Variants in RHOBTB1 observed in about 807,000 individuals in gnomAD.
RHOBTB1 encodes the protein Rho related BTB domain containing 1.
RHOBTB1 carries 40 observed loss-of-function variants against 71.6 expected under a neutral mutation model. That is an observed-to-expected ratio of 0.56 (90% confidence interval 0.43 to 0.73). The LOEUF (loss-of-function observed/expected upper bound fraction) is 0.73, where lower values mean the gene tolerates loss of function less well. Among genes scored for constraint, RHOBTB1 ranks in the 30% least tolerant of loss-of-function variants. The pLI is 0.00. For synonymous variants in RHOBTB1, 319 were observed against 334.9 expected, an observed-to-expected ratio of 0.95 and a Z score of 0.52; for missense variants, 797 against 894.0, an observed-to-expected ratio of 0.89 and a Z score of 1.38.
chr10:60,986,312 T>G (rs2086657715), intron 1 of RHOBTB1, among the ~76,000 whole-genome samples: 1 of 151,248 alleles, frequency 6.6e-6, no homozygotes. Flanking sequence ...AGGAATTTAG[T>G]TAACAGTAAA....
At chr10:60,925,763 A>G (rs1251674184) in intron 2 of RHOBTB1, among the ~76,000 whole-genome samples, 1 of 152,244 alleles carries the variant, frequency 6.6e-6, no homozygotes, top group Admixed American at 6.5e-5. Context: ...AAGAATCATT[A>G]GAGACCATTA....
rs202055400 is a variant in RHOBTB1 at position 60,886,234 on chromosome 10, C to T, written c.1457-4G>A. ...TCGTCCAATTTAAATGTCACGTCTG[C>T]CAAGGGATTGAGGAAACACAACCAT... On this transcript the variant is annotated splice_polypyrimidine_tract_variant and splice_region_variant and intron_variant, in intron 6 of 10. Coordinates refer to ENST00000337910, the MANE Select transcript of RHOBTB1 (RefSeq NM_014836.5). 3.7e-6 allele frequency: 6 copies of T among 1,611,644 alleles called. No homozygotes were observed. Among genetic ancestry groups the T allele is most frequent in the African/African-American group, 1.3e-5 (1 of 74,966 alleles).
intron 4 of RHOBTB1, among the ~76,000 whole-genome samples, chr10:60,895,447 C>A (rs958623314): frequency 1.3e-5 from 2 of 152,054 alleles, no homozygotes; most frequent in Non-Finnish European, 2.9e-5. Flanking sequence ...TCTTGTTGCC[C>A]AGGCTGGAGT....
At chr10:60,936,042 T>C (rs2084560509) in intron 2 of RHOBTB1, among the ~76,000 whole-genome samples, 1 of 152,268 alleles carries the variant, frequency 6.6e-6, no homozygotes, top group African/African-American at 2.4e-5. Flanking sequence ...GTGTGCTATA[T>C]GTGTAGGTGT....
At chr10:60,993,110 G>A (rs184103667) in intron 1 of RHOBTB1, among the ~76,000 whole-genome samples, 2 of 152,168 alleles carry the variant, frequency 1.3e-5, no homozygotes, top group East Asian at 1.9e-4. Flanking sequence ...TGGAGGGGAC[G>A]TGTCTCTCTG....
Position 60,964,367 on chromosome 10 carries a change from A to T in RHOBTB1, c.-62+21478T>A, listed in dbSNP as rs117067067. On this transcript the variant is annotated intron_variant, in intron 2 of 11. Transcript: ENST00000357917. ...CTGCCCTCTAGGGGACACATGGAAAATAAGCAAAGTCTCTCAAGCCAAAAA... is the reference window on the plus strand; with the variant it reads ...CTGCCCTCTAGGGGACACATGGAAATTAAGCAAAGTCTCTCAAGCCAAAAA... Among the ~76,000 whole-genome samples the T allele has an allele frequency of 5.0e-3, 767 of 152,188 alleles. 26 individuals are homozygous for T. Among genetic ancestry groups the T allele is most frequent in the Admixed American group, 0.044 (674 of 15,262 alleles).
Position 60,932,845 on chromosome 10 carries a change from A to G in RHOBTB1, c.-11+8959T>C, listed in dbSNP as rs139002419. ...GTAGACTATGGGTGTTTAAAAACCC[A>G]TATTCATGAAGAAAAGTCTCCACTA... On this transcript the variant is annotated intron_variant, in intron 2 of 10. Transcript: ENST00000337910. 5.2e-3 allele frequency among the ~76,000 whole-genome samples: 788 copies of G among 152,332 alleles called. 5 individuals are homozygous for G. Among genetic ancestry groups the G allele is most frequent in the African/African-American group, 0.018 (747 of 41,574 alleles).
rs754449291 is a variant in RHOBTB1, at chr10:60,888,608, C to A, written c.1060G>T (p.Val354Leu). 2 of 1,614,204 alleles carry A rather than the reference C, an allele frequency of 1.2e-6. No individual in the cohort carries two copies. Among genetic ancestry groups the A allele is most frequent in the South Asian group, 2.2e-5 (2 of 91,090 alleles). ...DQWKSSNKSL[V>L]EALGLEAEGA... The stretch of plus-strand genomic sequence containing the variant: ...TCGGCTTCCAGCCCCAGAGCCTCCA[C>A]CAGGCTCTTGTTTGAAGACTTCCAC... The change falls in exon 6 of 11, where the codon GTG becomes TTG. Residue 354 changes from valine to leucine, a missense_variant. Around this residue, in one of 2 missense-constraint regions of RHOBTB1, gnomAD observed 658 missense variants for 681.5 expected, o/e 0.97. Coordinates refer to ENST00000337910, the MANE Select transcript of RHOBTB1 (RefSeq NM_014836.5).
chr10:60,896,805 T>C (rs1038827661), intron 4 of RHOBTB1, among the ~76,000 whole-genome samples: 1 of 152,078 alleles, frequency 6.6e-6, no homozygotes, highest in Non-Finnish European at 1.5e-5. Context: ...TTTTGACTAG[T>C]CAAATCAAAA....
chr10:60,943,045 T>C (rs2084996711), intron 1 of RHOBTB1, among the ~76,000 whole-genome samples: 1 of 152,172 alleles, frequency 6.6e-6, no homozygotes. Flanking sequence ...CTTAACTTCC[T>C]AGATTTTCCT....
At chr10:60,903,613 C>T (rs1014579522) in intron 4 of RHOBTB1, among the ~76,000 whole-genome samples, 8 of 151,944 alleles carry the variant, frequency 5.3e-5, no homozygotes, top group African/African-American at 1.9e-4. Context: ...TCTGGTGAAA[C>T]GTTTCTTGCT....
At chr10:60,964,616 T>C (rs757501901) in intron 2 of RHOBTB1, among the ~76,000 whole-genome samples, 1 of 152,136 alleles carries the variant, frequency 6.6e-6, no homozygotes, top group Non-Finnish European at 1.5e-5. Flanking sequence ...CTTGTTCTAT[T>C]AGAAAACAGC....
intron 1 of RHOBTB1, among the ~76,000 whole-genome samples, chr10:60,987,712 T>C (rs562980513): frequency 6.6e-6 from 1 of 152,184 alleles, no homozygotes; most frequent in Admixed American, 6.5e-5. Flanking sequence ...TAACAGCTCT[T>C]CAACAGACCT....
chr10:60,867,668 G>C (rs537219519), downstream of RHOBTB1, among the ~76,000 whole-genome samples: 1 of 152,302 alleles, frequency 6.6e-6, no homozygotes, highest in East Asian at 1.9e-4. Context: ...ATGAGCACCT[G>C]TATGTTAGCC....
intron 1 of RHOBTB1, among the ~76,000 whole-genome samples, chr10:60,990,403 A>G (rs1439265588): frequency 6.6e-6 from 1 of 152,190 alleles, no homozygotes; most frequent in Non-Finnish European, 1.5e-5. Flanking sequence ...TTTGAGACAG[A>G]TGCAAGACAT....
the RHOBTB1 span, among the ~76,000 whole-genome samples, chr10:60,863,686 C>T: frequency 6.6e-6 from 1 of 152,130 alleles, no homozygotes; most frequent in Non-Finnish European, 1.5e-5. Context: ...GTGCCTGCCA[C>T]CATGCCTGGC....
rs188015921 is a variant in RHOBTB1 at position 60,950,845 on chromosome 10, C to T, written c.-61-8991G>A. On this transcript the variant is annotated intron_variant, in intron 2 of 11. Coordinates refer to the RHOBTB1 transcript ENST00000357917. ...ACTGTATCATTCCCCCAATTCCTCCCTCCCCAAATGCTGACTGTAAGTATT... is the reference window on the plus strand; with the variant it reads ...ACTGTATCATTCCCCCAATTCCTCCTTCCCCAAATGCTGACTGTAAGTATT... Among the ~76,000 whole-genome samples the T allele has an allele frequency of 6.0e-3, 909 of 152,234 alleles. 7 individuals are homozygous for T. Among genetic ancestry groups the T allele is most frequent in the Non-Finnish European group, 0.01 (689 of 68,020 alleles).
chr10:60,965,638 A>G (rs2085932120), intron 2 of RHOBTB1, among the ~76,000 whole-genome samples: 1 of 152,180 alleles, frequency 6.6e-6, no homozygotes, highest in Admixed American at 6.6e-5. Flanking sequence ...AGGTCTTCAA[A>G]AATTAATAAC....
intron 2 of RHOBTB1, among the ~76,000 whole-genome samples, chr10:60,928,334 A>C (rs1021087880): frequency 2.6e-5 from 4 of 152,112 alleles, no homozygotes; most frequent in African/African-American, 7.2e-5. Flanking sequence ...CCAAAACAAA[A>C]AAAAAAAGAA....
Sources: gnomAD v4.1 joint callset for allele counts (sites outside exome capture counted in the v4.1 genomes callset) on GRCh38, gnomAD v4.1.1 for gene constraint, gnomAD v4.1.1 regional missense constraint, MANE v1.5 for transcripts, NCBI Gene and HGNC (gene_info 2026-07-23, HGNC 2026-07-21) for gene names.